NKAIN3: variants seen among roughly 807,000 people sequenced by gnomAD.
NKAIN3 encodes the protein sodium/potassium transporting ATPase interacting 3, also known as sodium/potassium-transporting ATPase subunit beta-1-interacting protein 3.
A neutral mutation model predicts 30.2 loss-of-function variants in NKAIN3; 25 were observed. The observed-to-expected ratio is 0.83, with a 90% CI of 0.60 to 1.16. The LOEUF (loss-of-function observed/expected upper bound fraction) is 1.16, where lower values mean the gene tolerates loss of function less well. NKAIN3 is among the 50% of genes most tolerant of loss of function. The probability of loss-of-function intolerance (pLI) is 0.00; values close to 1 mark genes in which losing one functional copy is unlikely to be tolerated. For synonymous variants in NKAIN3, 91 were observed against 89.6 expected, an observed-to-expected ratio of 1.02 and a Z score of -0.09; for missense variants, 225 against 254.1, an observed-to-expected ratio of 0.89 and a Z score of 0.78.
intron 1 of NKAIN3, among the ~76,000 whole-genome samples, chr8:62,329,319 C>T (rs1013425761): frequency 2.0e-5 from 3 of 152,068 alleles, no homozygotes; most frequent in Non-Finnish European, 4.4e-5. Flanking sequence ...TACAGAGATA[C>T]ATGCATGAAC....
rs1824056729 is a variant in NKAIN3 at position 62,980,738 on chromosome 8, A to C, written c.*15331A>C. 1 of 152,262 alleles carries C rather than the reference A, an allele frequency of 6.6e-6. No homozygotes were observed. The highest frequency in any genetic ancestry group is 1.5e-5 in the Non-Finnish European group (1 of 68,040). 9.4% of individuals were successfully genotyped at this position (152,262 alleles called of 1,614,324 possible). A position where few individuals can be genotyped will look rare whatever the true frequency, so the allele number is the denominator to read the frequency against. ...AACATAATGTCTGGAGCACCAAGTGAAATAACTGTGGAGAATGGAATGTTG... is the reference window on the plus strand; with the variant it reads ...AACATAATGTCTGGAGCACCAAGTGCAATAACTGTGGAGAATGGAATGTTG... On this transcript the variant is annotated 3_prime_UTR_variant, in exon 7 of 7. Transcript: ENST00000623646.
intron 1 of NKAIN3, among the ~76,000 whole-genome samples, chr8:62,518,125 C>A (rs1808049831): frequency 1.3e-5 from 2 of 152,070 alleles, no homozygotes; most frequent in Non-Finnish European, 2.9e-5. Flanking sequence ...CTTTGGAAGG[C>A]CAAGGTGGGA....
In NKAIN3 at chr8:62,664,230, T is replaced by G. The variant is rs186552436; in HGVS notation, c.273+74436T>G. On this transcript the variant is annotated intron_variant, in intron 3 of 6. Transcript: ENST00000623646. ...TAAGTATCAAAGTATACCAGATCACTTTGATTAAGATGGAGCTATAAAAGC... is the reference window on the plus strand; with the variant it reads ...TAAGTATCAAAGTATACCAGATCACGTTGATTAAGATGGAGCTATAAAAGC... 5.7e-3 allele frequency among the ~76,000 whole-genome samples: 865 copies of G among 152,110 alleles called. 9 individuals are homozygous for G. Among genetic ancestry groups the G allele is most frequent in the African/African-American group, 0.02 (832 of 41,476 alleles).
At chr8:62,324,897 T>A (rs1815063410) in intron 1 of NKAIN3, among the ~76,000 whole-genome samples, 1 of 151,472 alleles carries the variant, frequency 6.6e-6, no homozygotes, top group African/African-American at 2.4e-5. Flanking sequence ...ATTTGTGTTT[T>A]TACTACTTAG....
At chr8:62,747,860 T>A (rs1374426390) in intron 4 of NKAIN3, among the ~76,000 whole-genome samples, 2 of 152,164 alleles carry the variant, frequency 1.3e-5, no homozygotes, top group Non-Finnish European at 2.9e-5. Flanking sequence ...AACCCACTCT[T>A]CACATAAACC....
At chr8:62,592,869 AATG>A (rs1427573934) in intron 3 of NKAIN3, among the ~76,000 whole-genome samples, 3 of 151,996 alleles carry the variant, frequency 2.0e-5, no homozygotes, top group African/African-American at 7.2e-5. Context: ...GATGTTTTAC[AATG>A]ATAACAGGAT....
Position 62,712,420 on chromosome 8 carries a change from G to A in NKAIN3, c.274-34512G>A, listed in dbSNP as rs113127951. Among the ~76,000 whole-genome samples, 442 of 152,238 alleles carry A rather than the reference G, an allele frequency of 2.9e-3. 2 individuals carry two copies. The highest frequency in any genetic ancestry group is 0.01 in the African/African-American group (420 of 41,536). On this transcript the variant is annotated intron_variant, in intron 3 of 6. Coordinates refer to ENST00000623646, the MANE Select transcript of NKAIN3 (RefSeq NM_001304533.3). ...TTGGGCAGGTCTTGCTGTGGCTGCTGTGGAGGATGGGGGTAAGATTCACAG... is the reference window on the plus strand; with the variant it reads ...TTGGGCAGGTCTTGCTGTGGCTGCTATGGAGGATGGGGGTAAGATTCACAG...
intron 4 of NKAIN3, among the ~76,000 whole-genome samples, chr8:62,820,110 T>A (rs1043772927): frequency 3.3e-5 from 5 of 152,090 alleles, no homozygotes; most frequent in African/African-American, 1.2e-4. Flanking sequence ...ATTTCCAAAC[T>A]AACAAGTTCT....
chr8:62,760,118 A>T (rs1313653715), intron 4 of NKAIN3, among the ~76,000 whole-genome samples: 1 of 152,200 alleles, frequency 6.6e-6, no homozygotes, highest in African/African-American at 2.4e-5. Flanking sequence ...TTAAAAAGTC[A>T]GGAAACAACA....
intron 1 of NKAIN3, among the ~76,000 whole-genome samples, chr8:62,471,131 A>G (rs558897748): frequency 6.6e-6 from 1 of 152,320 alleles, no homozygotes; most frequent in East Asian, 1.9e-4. Flanking sequence ...GCAATTATCT[A>G]AATCTTTAAA....
In NKAIN3 at chr8:62,850,410, G is replaced by C. The variant is rs1819856282; in HGVS notation, c.472-68043G>C. Among the ~76,000 whole-genome samples, 13 of 152,130 alleles carry C rather than the reference G, an allele frequency of 8.5e-5. No individual in the cohort carries two copies. The South Asian group carries it at 2.7e-3, about 32-fold the overall frequency. On this transcript the variant is annotated intron_variant, in intron 4 of 6. Transcript: ENST00000623646. ...TTTTCTCCCATTCTGTAGGCTGCCT[G>C]TTCACTCTGATGGTAGTTTCTTTTG...
At chr8:62,883,763 C>T (rs1250663410) in intron 4 of NKAIN3, among the ~76,000 whole-genome samples, 5 of 151,936 alleles carry the variant, frequency 3.3e-5, no homozygotes, top group Admixed American at 3.3e-4. Flanking sequence ...TTTATTATTT[C>T]TTTTCTTCTA....
At chr8:62,308,107 A>T (rs1322526147) in intron 1 of NKAIN3, among the ~76,000 whole-genome samples, 1 of 150,622 alleles carries the variant, frequency 6.6e-6, no homozygotes. Flanking sequence ...ATTAGGTTAA[A>T]GCTGAAGCCA....
chr8:62,913,679 T>C (rs185305190), intron 4 of NKAIN3, among the ~76,000 whole-genome samples: 94 of 152,312 alleles, frequency 6.2e-4, no homozygotes, highest in African/African-American at 2.1e-3. Flanking sequence ...GCATTAAAGA[T>C]AAAACTAATT....
chr8:62,472,620 G>A (rs1473334094), intron 1 of NKAIN3, among the ~76,000 whole-genome samples: 1 of 152,102 alleles, frequency 6.6e-6, no homozygotes, highest in African/African-American at 2.4e-5. Flanking sequence ...TCTCAGAAGG[G>A]ATCCAAGAAA....
At chr8:62,571,444 G>A (rs1455668468) in intron 1 of NKAIN3, among the ~76,000 whole-genome samples, 1 of 152,124 alleles carries the variant, frequency 6.6e-6, no homozygotes. Flanking sequence ...AATGTTGAGT[G>A]TCTGCAGCTT....
intron 1 of NKAIN3, among the ~76,000 whole-genome samples, chr8:62,478,756 G>A (rs192446413): frequency 1.8e-4 from 27 of 152,222 alleles, no homozygotes; most frequent in Non-Finnish European, 3.2e-4. Flanking sequence ...AGATGATCAG[G>A]GATGGAGTCA....
At chr8:62,767,486 A>G (rs552807678) in intron 4 of NKAIN3, among the ~76,000 whole-genome samples, 2 of 152,290 alleles carry the variant, frequency 1.3e-5, no homozygotes, top group African/African-American at 4.8e-5. Context: ...GGATCCAGTT[A>G]TGCTCAACCC....
At chr8:62,638,664 T>C (rs911205493) in intron 3 of NKAIN3, among the ~76,000 whole-genome samples, 1 of 152,150 alleles carries the variant, frequency 6.6e-6, no homozygotes, top group Non-Finnish European at 1.5e-5. Context: ...CTGTTTCTTT[T>C]TTTCAACACT....
Sources: gnomAD v4.1 joint callset for allele counts (sites outside exome capture counted in the v4.1 genomes callset) on GRCh38, gnomAD v4.1.1 for gene constraint, MANE v1.5 for transcripts, NCBI Gene and HGNC (gene_info 2026-07-23, HGNC 2026-07-21) for gene names.